CNGB3: variants seen among roughly 807,000 people sequenced by gnomAD.
CNGB3 encodes cyclic nucleotide gated channel subunit beta 3.
A neutral mutation model predicts 92.8 loss-of-function variants in CNGB3; 86 were observed. That is an observed-to-expected ratio of 0.93 (90% CI 0.78 to 1.11). The LOEUF is 1.11. Among genes scored for constraint, CNGB3 ranks in the 50% least tolerant of loss-of-function variants. The probability of loss-of-function intolerance (pLI) is 0.00; values close to 1 mark genes in which losing one functional copy is unlikely to be tolerated. For missense variants in CNGB3, 1,026 were observed against 956.8 expected (o/e 1.07, Z -0.95); for synonymous variants, 333 against 332.7 (o/e 1.00, Z -0.01).
chr8:86,648,199 C>G (rs563240386), intron 7 of CNGB3, among the ~76,000 whole-genome samples: 1 of 151,216 alleles, frequency 6.6e-6, no homozygotes, highest in Admixed American at 6.6e-5. Context: ...TGTTAAAATA[C>G]GTTTTAACAG....
At chr8:86,594,695 T>TTTTGTTTGTTTG (rs59438172) in intron 15 of CNGB3, 13,292 of 166,628 alleles carry the variant, frequency 0.08, 1,792 homozygotes, top group African/African-American at 0.29. Flanking sequence ...TAGACAGCTT[T>TTTTGTTTGTTTG]TTTGTTTGTT....
intron 6 of CNGB3, chr8:86,659,596 A>G (rs1823591010): frequency 7.3e-6 from 4 of 548,048 alleles, no homozygotes; most frequent in Non-Finnish European, 1.4e-5. Context: ...CAGCAGAGAG[A>G]GCCCACTCCA....
rs563244365 is a variant in CNGB3, at chr8:86,743,446, C to T, written c.129+53G>A. 147 of 1,607,804 alleles carry T rather than the reference C, an allele frequency of 9.1e-5. No homozygotes were observed. In the African/African-American group the frequency reaches 1.5e-3, roughly 17 times the overall value. ...TCGTAGCAGTGATTAAATGCTATTA[C>T]CAGATAAGAAATGATGAAAATCAAG... On this transcript the variant is annotated intron_variant, in intron 1 of 17. Coordinates refer to ENST00000320005, the MANE Select transcript of CNGB3 (RefSeq NM_019098.5).
At chr8:86,635,885 C>CATACTTAAAG (rs557192277) in intron 10 of CNGB3, among the ~76,000 whole-genome samples, 5,895 of 124,454 alleles carry the variant, frequency 0.047, 218 homozygotes, top group Non-Finnish European at 0.075. Flanking sequence ...TATACTTAGG[C>CATACTTAAAG]ATACTTAAAG....
intron 15 of CNGB3, 93 bp from the exon 16 acceptor site, chr8:86,579,345 A>G (rs1462613528): frequency 1.4e-6 from 2 of 1,414,798 alleles, no homozygotes; most frequent in African/African-American, 1.4e-5. Flanking sequence ...AAGTATTTAT[A>G]CTGCTTCAGA....
intron 6 of CNGB3, chr8:86,660,865 G>T (rs943452164): frequency 2.5e-6 from 1 of 400,638 alleles, no homozygotes; most frequent in Admixed American, 2.8e-5. Flanking sequence ...TCTTCATAAG[G>T]CCAGTTAGCT....
chr8:86,618,294 T>C (rs567424704), intron 13 of CNGB3, among the ~76,000 whole-genome samples: 111 of 152,326 alleles, frequency 7.3e-4, no homozygotes, highest in African/African-American at 2.5e-3. Flanking sequence ...TCTGTGGCCC[T>C]GGGGTGGGGA....
At chr8:86,728,973 C>T (rs1046954269) in intron 2 of CNGB3, among the ~76,000 whole-genome samples, 2 of 152,056 alleles carry the variant, frequency 1.3e-5, no homozygotes, top group Non-Finnish European at 2.9e-5. Flanking sequence ...TGCGGTGGTA[C>T]GATCACAGCT....
chr8:86,635,833 T>C (rs1823054548), intron 10 of CNGB3, among the ~76,000 whole-genome samples: 1 of 53,918 alleles, frequency 1.9e-5, no homozygotes, highest in Non-Finnish European at 3.3e-5. Context: ...TATATATATA[T>C]ATATATATAT....
At chr8:86,584,232 A>T (rs886782554) in intron 15 of CNGB3, among the ~76,000 whole-genome samples, 1 of 152,142 alleles carries the variant, frequency 6.6e-6, no homozygotes, top group African/African-American at 2.4e-5. Flanking sequence ...CCTTTCTATG[A>T]AATTGACGTT....
At chr8:86,589,023 A>C (rs1266116475) in intron 15 of CNGB3, among the ~76,000 whole-genome samples, 1 of 152,014 alleles carries the variant, frequency 6.6e-6, no homozygotes, top group Non-Finnish European at 1.5e-5. Context: ...AGATCCTGTT[A>C]TTGGTCTATT....
At chr8:86,711,113 T>C (rs932890260) in intron 3 of CNGB3, among the ~76,000 whole-genome samples, 1 of 152,188 alleles carries the variant, frequency 6.6e-6, no homozygotes, top group Non-Finnish European at 1.5e-5. Context: ...GATGATATGG[T>C]ATCACTAGGC....
chr8:86,612,314 ATATC>A lies in CNGB3; in HGVS notation c.1579-647_1579-644del, dbSNP rs1416549078. On this transcript the variant is annotated intron_variant, in intron 13 of 17. Coordinates refer to ENST00000320005, the MANE Select transcript of CNGB3 (RefSeq NM_019098.5). Reference sequence around the variant, plus strand: ...GTATTTGTCATCTGTTTAAATAACTATATCTATATGAGCTAAAAAAAATCTTTAG... The same window carrying A: ...GTATTTGTCATCTGTTTAAATAACTATATATGAGCTAAAAAAAATCTTTAG... Among the ~76,000 whole-genome samples the A allele has an allele frequency of 9.2e-5, 14 of 152,310 alleles. No individual in the cohort carries two copies. The South Asian group carries it at 1.0e-3, about 11-fold the overall frequency.
chr8:86,591,512 GT>G (rs1158507065), intron 15 of CNGB3, among the ~76,000 whole-genome samples: 14 of 149,482 alleles, frequency 9.4e-5, no homozygotes, highest in African/African-American at 9.8e-5. Context: ...GTACAGATGG[GT>G]TTTTGGTGTG....
chr8:86,582,335 G>A (rs1319106803), intron 15 of CNGB3, among the ~76,000 whole-genome samples: 4 of 151,420 alleles, frequency 2.6e-5, no homozygotes, highest in East Asian at 1.9e-4. Context: ...TGGAGGTTGC[G>A]GTGAGCCAAG....
intron 3 of CNGB3, among the ~76,000 whole-genome samples, chr8:86,713,025 C>T (rs902616776): frequency 1.3e-5 from 2 of 151,920 alleles, no homozygotes; most frequent in South Asian, 2.1e-4. Context: ...AAAACAAGTA[C>T]CTGATAGAAT....
At chr8:86,656,329 C>A (rs1290648232) in intron 6 of CNGB3, among the ~76,000 whole-genome samples, 2 of 152,106 alleles carry the variant, frequency 1.3e-5, no homozygotes, top group Admixed American at 6.5e-5. Flanking sequence ...ATGTTCTTAG[C>A]ATATTTGTCT....
At chr8:86,613,529 G>A (rs1332694709) in intron 13 of CNGB3, among the ~76,000 whole-genome samples, 1 of 152,086 alleles carries the variant, frequency 6.6e-6, no homozygotes, top group Non-Finnish European at 1.5e-5. Flanking sequence ...CTTGAAATAT[G>A]CTTGGAAGTT....
At chr8:86,691,515 AG>A (rs1278760998) in intron 3 of CNGB3, among the ~76,000 whole-genome samples, 1 of 152,180 alleles carries the variant, frequency 6.6e-6, no homozygotes, top group African/African-American at 2.4e-5. Flanking sequence ...GGTTTGTCAT[AG>A]ATGGCTTTTA....
Sources: allele counts gnomAD v4.1 joint callset (sites outside exome capture counted in the v4.1 genomes callset), GRCh38; gene constraint gnomAD v4.1.1; transcripts MANE v1.5; gene names NCBI Gene and HGNC (gene_info 2026-07-23, HGNC 2026-07-21).